The following ASXL3 variants were observed in gnomAD, a reference collection of about 807,000 sequenced individuals.
ASXL3 encodes putative Polycomb group protein ASXL3.
ASXL3 carries 34 observed loss-of-function variants against 170.6 expected under a neutral mutation model. The observed-to-expected ratio is 0.20, with a 90% confidence interval of 0.15 to 0.27. ASXL3 has a LOEUF of 0.27. Ranked by LOEUF, ASXL3 falls within the 10% of genes least tolerant of loss-of-function variation. The probability of loss-of-function intolerance (pLI) is 1.00; values close to 1 mark genes in which losing one functional copy is unlikely to be tolerated. For synonymous variants in ASXL3, 1,002 were observed against 989.1 expected, an observed-to-expected ratio of 1.01 and a Z score of -0.24; for missense variants, 2,592 against 2,695.3, an observed-to-expected ratio of 0.96 and a Z score of 0.85.
chr18:33,737,634 T>G (rs999486139), intron 10 of ASXL3, among the ~76,000 whole-genome samples: 42 of 152,256 alleles, frequency 2.8e-4, no homozygotes, highest in African/African-American at 9.9e-4. Context: ...ATAAAAGAAT[T>G]TAAAAGTCTT....
At chr18:33,661,934 A>G (rs537669902) in intron 5 of ASXL3, among the ~76,000 whole-genome samples, 197 bp downstream of exon 5, 1 of 152,052 alleles carries the variant, frequency 6.6e-6, no homozygotes, top group African/African-American at 2.4e-5. Context: ...GAGAACTTTG[A>G]TGTAAAATAG....
intron 8 of ASXL3, among the ~76,000 whole-genome samples, chr18:33,714,816 T>G (rs546772110): frequency 3.9e-5 from 6 of 152,240 alleles, no homozygotes; most frequent in African/African-American, 1.4e-4. Context: ...CCTGCTCTCC[T>G]CTATTTCTTT....
intron 2 of ASXL3, chr18:33,608,941 TA>T (rs1257093599): frequency 1.3e-6 from 1 of 742,210 alleles, no homozygotes; most frequent in Non-Finnish European, 1.6e-6. Context: ...ACAGGACACC[TA>T]TGCTCAAATT....
At chr18:33,734,651 A>C (rs1055264972) in intron 10 of ASXL3, among the ~76,000 whole-genome samples, 1 of 152,186 alleles carries the variant, frequency 6.6e-6, no homozygotes, top group African/African-American at 2.4e-5. Flanking sequence ...TTGGGCTGAA[A>C]ATAGCACATG....
rs755390840 is a variant in ASXL3, at chr18:33,744,598, C to T, written c.4750C>T (p.Arg1584Cys). The change falls in exon 12 of 12, where the codon CGT (arginine) becomes TGT (cysteine). Residue 1584 changes from arginine to cysteine, a missense_variant. Arg to Cys is a radical substitution (Grantham distance 180). Around this residue, in one of 4 missense-constraint regions of ASXL3, gnomAD observed 2,246 missense variants for 2,219.6 expected, o/e 1.01. Transcript: ENST00000269197. ...APSHNFAEQA[R>C]GPAPFKSEAD... ...CAGTCATAACTTTGCTGAGCAGGCA[C>T]GTGGCCCAGCTCCTTTCAAAAGTGA... The T allele has an allele frequency of 2.6e-5, 42 of 1,608,934 alleles. No individual in the cohort carries two copies. Among genetic ancestry groups the T allele is most frequent in the East Asian group, 2.2e-4 (10 of 44,782 alleles).
intron 2 of ASXL3, among the ~76,000 whole-genome samples, chr18:33,634,000 A>G (rs2145178209): frequency 6.6e-6 from 1 of 152,326 alleles, no homozygotes; most frequent in African/African-American, 2.4e-5. Flanking sequence ...ATATGCATAT[A>G]TATGAATGTA....
chr18:33,700,888 G>A (rs1299371902), intron 8 of ASXL3, among the ~76,000 whole-genome samples: 1 of 152,038 alleles, frequency 6.6e-6, no homozygotes, highest in Admixed American at 6.6e-5. Flanking sequence ...AAAGGGATGA[G>A]TCAACACAGT....
In ASXL3 at chr18:33,747,705, A is replaced by G. The variant is rs2067818801; in HGVS notation, c.*1110A>G. The G allele has an allele frequency of 1.3e-5, 2 of 152,222 alleles. No individual in the cohort carries two copies. Among genetic ancestry groups the G allele is most frequent in the Admixed American group, 1.3e-4 (2 of 15,284 alleles). The allele number at this position is 152,222 out of a possible 1,614,324, so 9.4% of individuals were successfully genotyped here. ...AACAATTGCTTTTCTCATTATTTAC[A>G]ACCTATATAATTCAACTTTGAAATA... On this transcript the variant is annotated 3_prime_UTR_variant, in exon 12 of 12. Transcript: ENST00000269197.
intron 8 of ASXL3, among the ~76,000 whole-genome samples, chr18:33,697,679 C>T (rs1286298280): frequency 6.6e-6 from 1 of 152,018 alleles, no homozygotes; most frequent in Non-Finnish European, 1.5e-5. Flanking sequence ...GTTGCCCAAC[C>T]TCTGGGCAAT....
At chr18:33,682,310 A>G (rs1273642635) in intron 7 of ASXL3, among the ~76,000 whole-genome samples, 4 of 152,240 alleles carry the variant, frequency 2.6e-5, no homozygotes, top group Admixed American at 6.5e-5. Flanking sequence ...GATTTAAAAC[A>G]TACTCTTTAT....
intron 8 of ASXL3, among the ~76,000 whole-genome samples, chr18:33,708,524 A>T (rs1021984707): frequency 1.3e-5 from 2 of 152,170 alleles, no homozygotes; most frequent in African/African-American, 2.4e-5. Context: ...CCAGTCCATA[A>T]GTACTATATA....
intron 2 of ASXL3, chr18:33,626,632 A>G (rs980175367): frequency 9.2e-5 from 14 of 151,554 alleles, no homozygotes; most frequent in Admixed American, 4.6e-4. Flanking sequence ...AGGACAAACT[A>G]TTTTCCATTT....
chr18:33,669,403 A>G (rs913074984), intron 5 of ASXL3, among the ~76,000 whole-genome samples: 10 of 152,176 alleles, frequency 6.6e-5, no homozygotes, highest in Non-Finnish European at 1.5e-4. Flanking sequence ...AATATGTCTT[A>G]TGTTATCATT....
intron 8 of ASXL3, among the ~76,000 whole-genome samples, chr18:33,709,552 C>T (rs1453576014): frequency 6.6e-6 from 1 of 152,028 alleles, no homozygotes; most frequent in East Asian, 1.9e-4. Flanking sequence ...CTGTGTAATT[C>T]CATTTTTATA....
intron 1 of ASXL3, among the ~76,000 whole-genome samples, chr18:33,604,401 C>T (rs558867526): frequency 5.3e-5 from 8 of 151,880 alleles, no homozygotes; most frequent in Non-Finnish European, 8.8e-5. Flanking sequence ...TAAAATTCCT[C>T]GGAATTTAAT....
intron 4 of ASXL3, among the ~76,000 whole-genome samples, chr18:33,648,314 G>C (rs559035980): frequency 6.6e-6 from 1 of 152,062 alleles, no homozygotes; most frequent in South Asian, 2.1e-4. Context: ...GCAGTGGATG[G>C]GATGAAAAGT....
intron 7 of ASXL3, among the ~76,000 whole-genome samples, chr18:33,680,370 G>A (rs181979435): frequency 2.4e-4 from 36 of 152,186 alleles, no homozygotes; most frequent in African/African-American, 8.7e-4. Context: ...TCACTGGACA[G>A]TTGTGTTGTG....
intron 5 of ASXL3, among the ~76,000 whole-genome samples, chr18:33,668,150 AT>A (rs1183066804): frequency 6.6e-6 from 1 of 152,140 alleles, no homozygotes; most frequent in African/African-American, 2.4e-5. Context: ...AAATTCTGAA[AT>A]TCTATAAAAT....
Position 33,602,447 on chromosome 18 carries a change from C to A in ASXL3, c.55-5147C>A, listed in dbSNP as rs2065194162. 2.0e-5 allele frequency among the ~76,000 whole-genome samples: 3 copies of A among 152,176 alleles called. No individual in the cohort carries two copies. In the South Asian group the frequency reaches 6.2e-4, roughly 32 times the overall value. On this transcript the variant is annotated intron_variant, in intron 1 of 11. Transcript: ENST00000269197. ...TACTGGGTATTTGCTGAGGTGCTGT[C>A]ACTTTTGATGTAATTTATTTTCTCA...
Sources: gnomAD v4.1 joint callset for allele counts (sites outside exome capture counted in the v4.1 genomes callset) on GRCh38, gnomAD v4.1.1 for gene constraint, gnomAD v4.1.1 regional missense constraint, MANE v1.5 for transcripts, NCBI Gene and HGNC (gene_info 2026-07-23, HGNC 2026-07-21) for gene names.